AGBL4: variants seen among roughly 807,000 people sequenced by gnomAD.
AGBL4 encodes cytosolic carboxypeptidase 6.
Under a neutral mutation model 66.4 loss-of-function variants are expected in AGBL4, and 58 were observed. The ratio of observed to expected loss-of-function variants is 0.87; its 90% confidence interval spans 0.71 to 1.09. The LOEUF is 1.09. Ranked by LOEUF, AGBL4 falls within the 50% of genes least tolerant of loss-of-function variation. AGBL4 has a pLI of 0.00. For missense variants in AGBL4, 579 were observed against 631.0 expected (o/e 0.92, Z 0.88); for synonymous variants, 234 against 222.9 (o/e 1.05, Z -0.44).
intron 1 of AGBL4, among the ~76,000 whole-genome samples, chr1:49,895,108 T>C (rs1247541742): frequency 6.6e-6 from 1 of 151,600 alleles, no homozygotes; most frequent in African/African-American, 2.4e-5. Flanking sequence ...TGGCATGACA[T>C]ATTTAACGTG....
At chr1:49,636,229 T>C (rs1645669452) in intron 3 of AGBL4, among the ~76,000 whole-genome samples, 1 of 152,182 alleles carries the variant, frequency 6.6e-6, no homozygotes, top group African/African-American at 2.4e-5. Flanking sequence ...TGGGCATTGG[T>C]AAGTCCAAGA....
At chr1:49,424,864 A>G (rs1172138359) in intron 3 of AGBL4, among the ~76,000 whole-genome samples, 3 of 152,148 alleles carry the variant, frequency 2.0e-5, no homozygotes, top group Non-Finnish European at 4.4e-5. Context: ...CTGGAGTTGA[A>G]GTGAAATTTA....
At chr1:49,622,383 A>C (rs1645378114) in intron 3 of AGBL4, among the ~76,000 whole-genome samples, 1 of 151,998 alleles carries the variant, frequency 6.6e-6, no homozygotes, top group Admixed American at 6.6e-5. Context: ...TAATCCCAGC[A>C]CTTTGGGAGG....
chr1:49,365,545 G>T (rs1378247484), intron 3 of AGBL4, among the ~76,000 whole-genome samples: 1 of 150,136 alleles, frequency 6.7e-6, no homozygotes, highest in Non-Finnish European at 1.5e-5. Flanking sequence ...AAATTATAAT[G>T]ATAATAATGA....
At chr1:49,262,495 G>A (rs964871142) in intron 3 of AGBL4, among the ~76,000 whole-genome samples, 6 of 152,198 alleles carry the variant, frequency 3.9e-5, no homozygotes, top group Admixed American at 1.3e-4. Context: ...AGTGGGCAAA[G>A]TATATGAACA....
At chr1:48,915,280 A>G (rs1488060295) in intron 5 of AGBL4, among the ~76,000 whole-genome samples, 1 of 152,174 alleles carries the variant, frequency 6.6e-6, no homozygotes, top group Non-Finnish European at 1.5e-5. Context: ...GCCTTGGTAC[A>G]TGCTGTTCAC....
chr1:49,572,473 G>A (rs1644350625), intron 3 of AGBL4, among the ~76,000 whole-genome samples: 1 of 152,008 alleles, frequency 6.6e-6, no homozygotes, highest in African/African-American at 2.4e-5. Flanking sequence ...CTAGCCTGCA[G>A]TTTACCAATT....
intron 1 of AGBL4, among the ~76,000 whole-genome samples, chr1:49,986,681 T>C (rs1374040271): frequency 6.6e-6 from 1 of 152,062 alleles, no homozygotes; most frequent in Non-Finnish European, 1.5e-5. Flanking sequence ...TTTGAAAATA[T>C]TTTACACTAA....
chr1:48,888,444 C>T (rs972049158), intron 5 of AGBL4, among the ~76,000 whole-genome samples: 5 of 152,152 alleles, frequency 3.3e-5, no homozygotes, highest in African/African-American at 1.2e-4. Context: ...CTGCCCCACC[C>T]AAGCCCACCT....
chr1:48,892,432 C>G (rs1651058050), intron 5 of AGBL4, among the ~76,000 whole-genome samples: 1 of 152,178 alleles, frequency 6.6e-6, no homozygotes, highest in Non-Finnish European at 1.5e-5. Flanking sequence ...GCCTGTAACA[C>G]AGCCACAGGG....
At chr1:48,669,355 T>C (rs927692360) in intron 6 of AGBL4, among the ~76,000 whole-genome samples, 2 of 152,154 alleles carry the variant, frequency 1.3e-5, no homozygotes, top group Non-Finnish European at 2.9e-5. Context: ...ACCCTACAGG[T>C]ATGTTGAGCT....
At chr1:49,656,242 A>T (rs999991269) in intron 3 of AGBL4, among the ~76,000 whole-genome samples, 4 of 152,180 alleles carry the variant, frequency 2.6e-5, no homozygotes, top group Non-Finnish European at 5.9e-5. Context: ...ACGCAAATAA[A>T]CTAGAAAATC....
At chr1:48,806,174 T>C (rs912749855) in intron 6 of AGBL4, among the ~76,000 whole-genome samples, 3 of 152,170 alleles carry the variant, frequency 2.0e-5, no homozygotes, top group African/African-American at 7.2e-5. Flanking sequence ...TATATACACA[T>C]TTACTACATG....
chr1:49,999,577 C>T (rs188390951), intron 1 of AGBL4, among the ~76,000 whole-genome samples: 12 of 152,018 alleles, frequency 7.9e-5, no homozygotes, highest in Non-Finnish European at 8.8e-5. Flanking sequence ...CTAGAAAAAA[C>T]AATCCTAAAA....
intron 2 of AGBL4, among the ~76,000 whole-genome samples, chr1:49,781,583 T>C (rs1208902449): frequency 6.6e-6 from 1 of 151,600 alleles, no homozygotes; most frequent in African/African-American, 2.4e-5. Flanking sequence ...CAATGAGGGG[T>C]AGGAAAATTG....
At chr1:49,948,566 T>G (rs12142625) in intron 1 of AGBL4, among the ~76,000 whole-genome samples, 1 of 48,228 alleles carries the variant, frequency 2.1e-5, no homozygotes, top group Non-Finnish European at 5.4e-5. Context: ...TATATAAAAA[T>G]ATATATATAT....
rs1447622337 is a variant in AGBL4, at chr1:49,438,945, CA to C, written c.283-193082del. On this transcript the variant is annotated intron_variant, in intron 3 of 13. Transcript: ENST00000371839. ...CATCACACAGTAGAAGGTGAGAGAT[CA>C]AGAACAGGCTGTTACTGATCCCATC... Among the ~76,000 whole-genome samples the C allele has an allele frequency of 4.6e-5, 7 of 152,268 alleles. No individual in the cohort carries two copies. In the East Asian group the frequency reaches 1.4e-3, roughly 29 times the overall value.
chr1:49,333,631 A>G (rs561902674), intron 3 of AGBL4, among the ~76,000 whole-genome samples: 2 of 152,332 alleles, frequency 1.3e-5, no homozygotes, highest in South Asian at 4.1e-4. Context: ...AAAAATAAAT[A>G]AAAGGGCCAT....
rs537268799 is a variant in AGBL4, at chr1:49,485,943, T to C, written c.282+211370A>G. 5.3e-5 allele frequency among the ~76,000 whole-genome samples: 8 copies of C among 152,108 alleles called. No individual in the cohort carries two copies. The South Asian group carries it at 1.7e-3, about 32-fold the overall frequency. ...GTGACTATAGTAAAAAGTCATTTCA[T>C]TGTGCATTTTTAAATAATTAGAAAA... On this transcript the variant is annotated intron_variant, in intron 3 of 13. Coordinates refer to ENST00000371839, the MANE Select transcript of AGBL4 (RefSeq NM_032785.4).
Sources: allele counts gnomAD v4.1 joint callset (sites outside exome capture counted in the v4.1 genomes callset), GRCh38; gene constraint gnomAD v4.1.1; transcripts MANE v1.5; gene names NCBI Gene and HGNC (gene_info 2026-07-23, HGNC 2026-07-21).